RIMS1: variants seen among roughly 807,000 people sequenced by gnomAD.
The protein encoded by RIMS1 is regulating synaptic membrane exocytosis 1.
A neutral mutation model predicts 214.1 loss-of-function variants in RIMS1; 83 were observed. That is an observed-to-expected ratio of 0.39 (90% CI 0.32 to 0.47). RIMS1 has a LOEUF of 0.47. Among genes scored for constraint, RIMS1 ranks in the 20% least tolerant of loss-of-function variants. RIMS1 has a pLI of 0.99. For missense variants in RIMS1, 2,050 were observed against 2,161.8 expected (o/e 0.95, Z 1.03); for synonymous variants, 793 against 786.8 (o/e 1.01, Z -0.13).
chr6:72,202,772 A>C (rs938297737), intron 6 of RIMS1, among the ~76,000 whole-genome samples: 1 of 152,208 alleles, frequency 6.6e-6, no homozygotes, highest in Non-Finnish European at 1.5e-5. Flanking sequence ...ATCCCAGATC[A>C]TGAGGACATA....
chr6:72,159,060 T>A (rs1484741683), intron 4 of RIMS1, among the ~76,000 whole-genome samples: 2 of 140,856 alleles, frequency 1.4e-5, no homozygotes, highest in African/African-American at 4.9e-5. Context: ...CCAGCACCTG[T>A]TGTTTCCTGA....
intron 6 of RIMS1, among the ~76,000 whole-genome samples, chr6:72,203,890 A>G (rs900470468): frequency 6.6e-6 from 1 of 152,192 alleles, no homozygotes; most frequent in Non-Finnish European, 1.5e-5. Context: ...CTGACCCTTC[A>G]TAAATTATGA....
At chr6:72,232,326 A>T (rs2062299463) in intron 6 of RIMS1, among the ~76,000 whole-genome samples, 1 of 151,622 alleles carries the variant, frequency 6.6e-6, no homozygotes. Context: ...TTATTAATAT[A>T]GTTTTTCTTT....
At chr6:71,969,140 C>CA in intron 2 of RIMS1, 77 bp downstream of exon 2, 45 of 1,330,440 alleles carry the variant, frequency 3.4e-5, no homozygotes, top group Non-Finnish European at 4.7e-5. Flanking sequence ...ATTCACATTG[C>CA]ATGTGAGAGT....
intron 4 of RIMS1, among the ~76,000 whole-genome samples, chr6:72,124,228 A>G (rs371803349): frequency 6.6e-6 from 1 of 151,870 alleles, no homozygotes; most frequent in African/African-American, 2.4e-5. Flanking sequence ...TCCTTCATTT[A>G]TGAAGCTTAG....
At chr6:72,277,356 C>T (rs1048861239) in intron 23 of RIMS1, among the ~76,000 whole-genome samples, 28 of 151,952 alleles carry the variant, frequency 1.8e-4, no homozygotes, top group Non-Finnish European at 2.9e-5. Context: ...CCGAGGCGGG[C>T]GGATCATGAG....
At chr6:71,983,995 A>G (rs964638739) in intron 2 of RIMS1, among the ~76,000 whole-genome samples, 2 of 152,170 alleles carry the variant, frequency 1.3e-5, no homozygotes, top group African/African-American at 4.8e-5. Flanking sequence ...TGTGTTTATC[A>G]TAGGTTTCCA....
intron 24 of RIMS1, among the ~76,000 whole-genome samples, chr6:72,289,214 A>G (rs2092924646): frequency 6.6e-6 from 1 of 152,184 alleles, no homozygotes; most frequent in African/African-American, 2.4e-5. Context: ...AAAACTGTAT[A>G]ATTCCATTTG....
intron 23 of RIMS1, among the ~76,000 whole-genome samples, chr6:72,277,813 T>C (rs1331957013): frequency 6.6e-6 from 1 of 152,140 alleles, no homozygotes; most frequent in African/African-American, 2.4e-5. Context: ...AATGAACCTA[T>C]ATATACGTAA....
chr6:72,232,247 G>A (rs1209987308), intron 6 of RIMS1, among the ~76,000 whole-genome samples: 1 of 151,540 alleles, frequency 6.6e-6, no homozygotes, highest in Non-Finnish European at 1.5e-5. Context: ...GAAATTATAG[G>A]ATAGAGTTTT....
In RIMS1 at chr6:71,951,492, T is replaced by TTTGTG. The variant is rs1162341760; in HGVS notation, c.165-17490_165-17489insTGTGT. On this transcript the variant is annotated intron_variant, in intron 1 of 33. Transcript: ENST00000521978. Reference sequence around the variant, plus strand: ...CTTTTCTTTTTCTTTTTTTTTTTTTTTGTGTGTGTGTGTGTGTGACAGAGT... The same window carrying TTTGTG: ...CTTTTCTTTTTCTTTTTTTTTTTTTTTTGTGTGTGTGTGTGTGTGTGTGACAGAGT... Among the ~76,000 whole-genome samples, 166 of 117,490 alleles carry TTTGTG rather than the reference T, an allele frequency of 1.4e-3. 2 individuals are homozygous for TTTGTG. Among genetic ancestry groups the TTTGTG allele is most frequent in the East Asian group, 9.6e-3 (36 of 3,744 alleles). 77.1% of individuals were successfully genotyped at this position (117,490 alleles called of 152,430 possible).
chr6:72,292,065 T>A lies in RIMS1; in HGVS notation c.3850+19T>A, dbSNP rs377521076. 12 of 1,499,808 alleles carry A rather than the reference T, an allele frequency of 8.0e-6. No homozygotes were observed. In the African/African-American group the frequency reaches 9.8e-5, roughly 12 times the overall value. 92.9% of individuals were successfully genotyped at this position (1,499,808 alleles called of 1,614,324 possible). A position where few individuals can be genotyped will look rare whatever the true frequency, so the allele number is the denominator to read the frequency against. ...GAACAAGGTATCCGATAAAGAGAGATCATTGTCCAAAAATCTTGGATTTGA... is the reference window on the plus strand; with the variant it reads ...GAACAAGGTATCCGATAAAGAGAGAACATTGTCCAAAAATCTTGGATTTGA... On this transcript the variant is annotated intron_variant, in intron 26 of 33. Transcript: ENST00000521978.
In RIMS1 at chr6:72,284,122, G is replaced by A. The variant is rs981668271; in HGVS notation, c.3554+4G>A. The A allele has an allele frequency of 2.5e-6, 4 of 1,612,180 alleles. No individual in the cohort carries two copies. In the African/African-American group the frequency reaches 4.0e-5, roughly 16 times the overall value. ...GCACTGCCTCTGATGCAGAAAGGTA[G>A]GCTTGGTGTTGTGGTGTGCTGACAT... On this transcript the variant is annotated splice_donor_region_variant and intron_variant, in intron 24 of 33. Transcript: ENST00000521978.
intron 16 of RIMS1, among the ~76,000 whole-genome samples, chr6:72,253,636 G>A (rs1435536938): frequency 1.3e-5 from 2 of 151,230 alleles, no homozygotes; most frequent in Non-Finnish European, 3.0e-5. Flanking sequence ...TTTAAAGACA[G>A]TATATATATA....
intron 2 of RIMS1, among the ~76,000 whole-genome samples, chr6:72,079,986 C>T (rs1832908932): frequency 1.4e-5 from 2 of 144,846 alleles, no homozygotes; most frequent in South Asian, 4.3e-4. Context: ...CCTGTAATGC[C>T]AACACTTTGG....
intron 29 of RIMS1, among the ~76,000 whole-genome samples, chr6:72,369,673 A>T (rs1213007341): frequency 6.6e-6 from 1 of 152,248 alleles, no homozygotes; most frequent in African/African-American, 2.4e-5. Context: ...TGTAGACTGT[A>T]TTCACAGCTA....
chr6:72,069,835 A>G (rs960048372), intron 2 of RIMS1, among the ~76,000 whole-genome samples: 8 of 152,186 alleles, frequency 5.3e-5, no homozygotes, highest in African/African-American at 1.7e-4. Flanking sequence ...TATCCATGCA[A>G]GCATTCTTGG....
intron 26 of RIMS1, among the ~76,000 whole-genome samples, chr6:72,294,269 G>T (rs1262230060): frequency 6.6e-6 from 1 of 151,676 alleles, no homozygotes; most frequent in Non-Finnish European, 1.5e-5. Context: ...ATTTAAGATT[G>T]ATTTCATTGT....
chr6:71,938,204 G>A (rs1785011320), intron 1 of RIMS1, among the ~76,000 whole-genome samples: 2 of 152,302 alleles, frequency 1.3e-5, no homozygotes, highest in Middle Eastern at 3.4e-3. Flanking sequence ...CCACATCCAG[G>A]TCACACTGAG....
Sources: gnomAD v4.1 joint callset for allele counts (sites outside exome capture counted in the v4.1 genomes callset) on GRCh38, gnomAD v4.1.1 for gene constraint, MANE v1.5 for transcripts, NCBI Gene and HGNC (gene_info 2026-07-23, HGNC 2026-07-21) for gene names.